Variants in PLXNC1 observed in about 807,000 individuals in gnomAD.
PLXNC1 encodes the protein plexin C1, also known as plexin-C1.
In PLXNC1, 75 loss-of-function variants were observed where a neutral mutation model predicts 178.2. That is an observed-to-expected ratio of 0.42 (90% confidence interval 0.35 to 0.51). The LOEUF (loss-of-function observed/expected upper bound fraction) is 0.51. Among genes scored for constraint, PLXNC1 ranks in the 20% least tolerant of loss-of-function variants. The probability of loss-of-function intolerance (pLI) is 0.02; values close to 1 mark genes in which losing one functional copy is unlikely to be tolerated. For synonymous variants in PLXNC1, 790 were observed against 779.9 expected, an observed-to-expected ratio of 1.01 and a Z score of -0.22; for missense variants, 1,503 against 1,984.4, an observed-to-expected ratio of 0.76 and a Z score of 4.61.
intron 2 of PLXNC1, among the ~76,000 whole-genome samples, chr12:94,170,113 T>C (rs1296381667): frequency 1.3e-5 from 2 of 152,214 alleles, no homozygotes; most frequent in East Asian, 3.8e-4. Context: ...TCTGCAGCCA[T>C]CCATTTACTC....
intron 17 of PLXNC1, chr12:94,256,349 G>A (rs1278578408): frequency 6.6e-6 from 1 of 152,174 alleles, no homozygotes; most frequent in Non-Finnish European, 1.5e-5. Context: ...GGGTCTGGAG[G>A]TTGGAATGCC....
chr12:94,202,098 C>G (rs375539510), intron 4 of PLXNC1, among the ~76,000 whole-genome samples: 1 of 152,110 alleles, frequency 6.6e-6, no homozygotes, highest in South Asian at 2.1e-4. Flanking sequence ...GGTTCTCACC[C>G]TTGAATGCTT....
intron 1 of PLXNC1, among the ~76,000 whole-genome samples, chr12:94,156,235 A>G (rs546029010): frequency 2.6e-5 from 4 of 152,318 alleles, no homozygotes. Flanking sequence ...CATTACTACT[A>G]ATAGTGTTAG....
chr12:94,164,661 GCACACACACACACACACACA>G (rs3060912), intron 1 of PLXNC1, among the ~76,000 whole-genome samples: 238 of 148,824 alleles, frequency 1.6e-3, no homozygotes, highest in African/African-American at 2.0e-3. Flanking sequence ...ATGACTCCCT[GCACACACACACACACACACA>G]CACACACACA....
intron 1 of PLXNC1, among the ~76,000 whole-genome samples, chr12:94,158,393 G>T (rs528458230): frequency 2.6e-5 from 4 of 152,184 alleles, no homozygotes; most frequent in African/African-American, 7.2e-5. Context: ...TTAATGAGAC[G>T]GGCAAAGGTG....
intron 17 of PLXNC1, among the ~76,000 whole-genome samples, chr12:94,255,608 G>A (rs1266829765): frequency 6.6e-6 from 1 of 152,154 alleles, no homozygotes; most frequent in African/African-American, 2.4e-5. Context: ...GCTGGGAAGT[G>A]AGCTAGTTTA....
intron 11 of PLXNC1, among the ~76,000 whole-genome samples, chr12:94,241,617 GTCTT>G (rs1964390057): frequency 6.6e-6 from 1 of 152,154 alleles, no homozygotes; most frequent in African/African-American, 2.4e-5. Flanking sequence ...TGCAATATTT[GTCTT>G]TCTGTGCCTG....
At chr12:94,162,701 G>A (rs1372104968) in intron 1 of PLXNC1, among the ~76,000 whole-genome samples, 1 of 152,126 alleles carries the variant, frequency 6.6e-6, no homozygotes, top group Non-Finnish European at 1.5e-5. Context: ...GATTTTTAAT[G>A]TATTGGATGT....
intron 30 of PLXNC1, among the ~76,000 whole-genome samples, chr12:94,304,946 T>C (rs541437461): frequency 1.3e-5 from 2 of 152,372 alleles, no homozygotes; most frequent in Admixed American, 6.5e-5. Context: ...CCTGGCCCCA[T>C]ATTTGTAAGC....
rs573798626 is a variant in PLXNC1, at chr12:94,250,527, C to T, written c.2779-899C>T. Among the ~76,000 whole-genome samples the T allele has an allele frequency of 1.1e-4, 16 of 152,224 alleles. No individual in the cohort carries two copies. In the South Asian group the frequency reaches 1.9e-3, roughly 18 times the overall value. On this transcript the variant is annotated intron_variant, in intron 14 of 30. Transcript: ENST00000258526. ...CAGCTACTGTGCTCAGATGCCTCCA[C>T]GGGGGCAGCATGAGTCCAAGGATGG...
chr12:94,238,297 T>C (rs1964293871), intron 10 of PLXNC1, among the ~76,000 whole-genome samples: 1 of 152,156 alleles, frequency 6.6e-6, no homozygotes, highest in Admixed American at 6.5e-5. Context: ...GGTTTCAGCC[T>C]CCAAAAATTA....
intron 27 of PLXNC1, 60 bp downstream of exon 27, chr12:94,298,855 A>G: frequency 7.9e-7 from 1 of 1,266,410 alleles, no homozygotes; most frequent in Non-Finnish European, 1.1e-6. Flanking sequence ...ATTAACTAAA[A>G]GAAAGACATA....
chr12:94,234,319 C>T (rs1964185882), intron 9 of PLXNC1, among the ~76,000 whole-genome samples: 1 of 152,250 alleles, frequency 6.6e-6, no homozygotes, highest in South Asian at 2.1e-4. Flanking sequence ...AAGTAATCCT[C>T]TTAGACCTTT....
chr12:94,244,630 G>A (rs1169720163), intron 12 of PLXNC1, among the ~76,000 whole-genome samples: 1 of 152,220 alleles, frequency 6.6e-6, no homozygotes, highest in Non-Finnish European at 1.5e-5. Context: ...GAGCAGGGGT[G>A]TCAACCTTTT....
In PLXNC1 at chr12:94,224,274, A is replaced by T. The variant is rs1229812863; in HGVS notation, c.1749A>T (p.Leu583Phe). 2 of 1,601,782 alleles carry T rather than the reference A, an allele frequency of 1.2e-6. No homozygotes were observed. The highest frequency in any genetic ancestry group is 2.2e-5 in the South Asian group (2 of 90,786). The change falls in exon 7 of 31, where the codon TTA becomes TTT. Residue 583 changes from leucine to phenylalanine, a missense_variant. Physicochemically the swap from Leu to Phe is conservative, Grantham distance 22. This residue lies in a region of PLXNC1 where 615 missense variants were observed against 698.6 expected (regional missense o/e 0.88). Transcript: ENST00000258526. ...TGTTCTCCTTCGGTTCTTGGAATTT[A>T]TCAGACAGATTCAACTTTACCAACT... ...NVMFSFGSWN[L>F]SDRFNFTNCS...
At chr12:94,301,785 A>G (rs1273570946) in intron 28 of PLXNC1, among the ~76,000 whole-genome samples, 1 of 152,166 alleles carries the variant, frequency 6.6e-6, no homozygotes, top group Non-Finnish European at 1.5e-5. Context: ...TATCAGCAGT[A>G]TTTCTGCAAA....
At chr12:94,209,321 G>C (rs1455149203) in intron 4 of PLXNC1, among the ~76,000 whole-genome samples, 1 of 152,200 alleles carries the variant, frequency 6.6e-6, no homozygotes, top group Non-Finnish European at 1.5e-5. Flanking sequence ...CATCTTGAGA[G>C]ATGGCTCAGG....
intron 21 of PLXNC1, 112 bp downstream of exon 21, chr12:94,265,337 C>A (rs1013680458): frequency 4.3e-6 from 4 of 927,072 alleles, no homozygotes; most frequent in Middle Eastern, 2.5e-4. Context: ...GCGGGAGGCC[C>A]TGTGTGTTTA....
intron 4 of PLXNC1, among the ~76,000 whole-genome samples, chr12:94,205,593 A>G (rs1420818392): frequency 6.6e-6 from 1 of 152,234 alleles, no homozygotes. Flanking sequence ...TGGATTTCTA[A>G]GTCCAGGGCC....
Sources: allele counts gnomAD v4.1 joint callset (sites outside exome capture counted in the v4.1 genomes callset), GRCh38; gene constraint gnomAD v4.1.1; regional missense constraint gnomAD v4.1.1; transcripts MANE v1.5; gene names NCBI Gene and HGNC (gene_info 2026-07-23, HGNC 2026-07-21).